PLCB4: variants seen among roughly 807,000 people sequenced by gnomAD.
PLCB4 encodes phospholipase C beta 4.
In PLCB4, 77 loss-of-function variants were observed where a neutral mutation model predicts 178.8. The observed-to-expected ratio is 0.43, with a 90% CI of 0.36 to 0.52. The LOEUF is 0.52. PLCB4 is among the 20% of genes least tolerant of loss of function. The pLI is 0.00. For missense variants in PLCB4, 1,024 were observed against 1,453.4 expected (o/e 0.70, Z 4.80); for synonymous variants, 496 against 490.8 (o/e 1.01, Z -0.14).
Position 9,473,254 on chromosome 20 carries a change from ATTTTTTTTTT to A in PLCB4, c.3409-14_3409-5del. ...GATTGTAACCCAAAGTTCAATCAGAATTTTTTTTTTTTTTTTTTTTGCAGCTTGCCATGAA... is the reference window on the plus strand; with the variant it reads ...GATTGTAACCCAAAGTTCAATCAGAATTTTTTTTTTGCAGCTTGCCATGAA... On this transcript the variant is annotated splice_polypyrimidine_tract_variant and intron_variant, in intron 37 of 39. Coordinates refer to ENST00000378473, the MANE Select transcript of PLCB4 (RefSeq NM_001377142.1). 1 of 1,196,200 alleles carries A rather than the reference ATTTTTTTTTT, an allele frequency of 8.4e-7. No homozygotes were observed. Among genetic ancestry groups the A allele is most frequent in the South Asian group, 1.8e-5 (1 of 55,706 alleles). 74.1% of individuals were successfully genotyped at this position (1,196,200 alleles called of 1,614,324 possible).
chr20:9,222,929 G>A (rs1028412360), intron 3 of PLCB4, among the ~76,000 whole-genome samples: 1 of 152,194 alleles, frequency 6.6e-6, no homozygotes, highest in Non-Finnish European at 1.5e-5. Context: ...GAGAGAGTGA[G>A]CTGATCTGTC....
intron 3 of PLCB4, among the ~76,000 whole-genome samples, chr20:9,245,737 G>GT (rs34271595): frequency 0.43 from 62,812 of 147,188 alleles, 13,892 homozygotes; most frequent in East Asian, 0.69. Flanking sequence ...TATCTGGTGG[G>GT]TTTTTTTTTT....
intron 4 of PLCB4, among the ~76,000 whole-genome samples, chr20:9,331,356 C>T (rs2031619054): frequency 6.6e-6 from 1 of 152,200 alleles, no homozygotes; most frequent in South Asian, 2.1e-4. Flanking sequence ...ATAGCTGTCC[C>T]TAGCTGGTAA....
intron 7 of PLCB4, among the ~76,000 whole-genome samples, chr20:9,347,023 T>C (rs1293514817): frequency 6.6e-6 from 1 of 152,214 alleles, no homozygotes; most frequent in Non-Finnish European, 1.5e-5. Context: ...GTCTCATCCG[T>C]GATGGCGCTC....
At chr20:9,258,714 C>CAAAA (rs969525907) in intron 3 of PLCB4, among the ~76,000 whole-genome samples, 20 of 62,760 alleles carry the variant, frequency 3.2e-4, no homozygotes, top group African/African-American at 8.1e-4. Flanking sequence ...GACTTCCTCT[C>CAAAA]AAAAAAAAAA....
chr20:9,279,432 AG>A (rs200252835), intron 3 of PLCB4, among the ~76,000 whole-genome samples: 17 of 151,900 alleles, frequency 1.1e-4, no homozygotes, highest in African/African-American at 2.9e-4. Flanking sequence ...GAAAACGTGA[AG>A]GGGGGGAAAT....
At chr20:9,266,536 T>G (rs1400798233) in intron 3 of PLCB4, among the ~76,000 whole-genome samples, 1 of 152,218 alleles carries the variant, frequency 6.6e-6, no homozygotes, top group Non-Finnish European at 1.5e-5. Flanking sequence ...GTATCTGTTA[T>G]TTTCATTGTG....
At chr20:9,094,465 A>G (rs2090819479) in intron 1 of PLCB4, among the ~76,000 whole-genome samples, 1 of 152,126 alleles carries the variant, frequency 6.6e-6, no homozygotes, top group Non-Finnish European at 1.5e-5. Flanking sequence ...TGTGATAGTT[A>G]TGATCTGTGC....
intron 2 of PLCB4, among the ~76,000 whole-genome samples, chr20:9,119,548 A>G (rs2091892811): frequency 6.6e-6 from 1 of 151,412 alleles, no homozygotes; most frequent in African/African-American, 2.4e-5. Context: ...TAGTCACTCC[A>G]TAGCAATTTT....
intron 8 of PLCB4, among the ~76,000 whole-genome samples, chr20:9,363,845 C>T (rs916206130): frequency 1.3e-5 from 2 of 152,178 alleles, no homozygotes; most frequent in Non-Finnish European, 2.9e-5. Flanking sequence ...GAGTGTGATT[C>T]ATCATACTCA....
intron 7 of PLCB4, among the ~76,000 whole-genome samples, chr20:9,341,588 G>C (rs924583967): frequency 6.6e-6 from 1 of 151,974 alleles, no homozygotes; most frequent in Non-Finnish European, 1.5e-5. Flanking sequence ...GGAAGAGGTT[G>C]GTCTTGGTGT....
intron 2 of PLCB4, among the ~76,000 whole-genome samples, chr20:9,188,649 ATTGTG>A (rs2093361203): frequency 7.3e-6 from 1 of 137,648 alleles, no homozygotes; most frequent in East Asian, 2.2e-4. Context: ...TTAACTGTTC[ATTGTG>A]GAGGGCTGTC....
intron 3 of PLCB4, among the ~76,000 whole-genome samples, chr20:9,293,166 T>A (rs1458049760): frequency 2.3e-5 from 3 of 129,608 alleles, no homozygotes; most frequent in Admixed American, 1.8e-4. Context: ...TGGAATGGAA[T>A]GGAATGGAAA....
intron 4 of PLCB4, among the ~76,000 whole-genome samples, chr20:9,320,876 C>G (rs756035446): frequency 1.3e-4 from 20 of 152,104 alleles, no homozygotes; most frequent in Non-Finnish European, 2.4e-4. Flanking sequence ...ATCAGAAACT[C>G]TGGGGGGAGG....
chr20:9,181,161 T>A (rs1329866954), intron 2 of PLCB4, among the ~76,000 whole-genome samples: 1 of 152,204 alleles, frequency 6.6e-6, no homozygotes, highest in Non-Finnish European at 1.5e-5. Flanking sequence ...CCTCATGCAC[T>A]TTGTGCCACC....
chr20:9,137,006 C>T (rs984570752), intron 2 of PLCB4, among the ~76,000 whole-genome samples: 4 of 151,970 alleles, frequency 2.6e-5, no homozygotes, highest in Non-Finnish European at 5.9e-5. Flanking sequence ...TAAGAGACTC[C>T]CGGGTCTCTT....
At chr20:9,434,859 A>T (rs556720585) in intron 28 of PLCB4, among the ~76,000 whole-genome samples, 1 of 152,294 alleles carries the variant, frequency 6.6e-6, no homozygotes, top group South Asian at 2.1e-4. Context: ...TGTATAAATT[A>T]TGGATGGTTT....
chr20:9,382,915 G>C lies in PLCB4; in HGVS notation c.854-1286G>C, dbSNP rs2037264878. ...ATGAATGAAGGTGCCCAAGGAAAGA[G>C]GTATACAAATTTCTACTTTCATTTA... On this transcript the variant is annotated intron_variant, in intron 13 of 39. Transcript: ENST00000378473. 2.0e-5 allele frequency among the ~76,000 whole-genome samples: 3 copies of C among 152,178 alleles called. No individual in the cohort carries two copies. In the South Asian group the frequency reaches 6.2e-4, roughly 32 times the overall value.
In PLCB4 at chr20:9,457,503, C is replaced by G; in HGVS notation, c.3072+14C>G. ...CACAAATCTAAGGTAAGAAAATGCC[C>G]ATTTTTACAGCAGTGACTTGCAGAA... is the stretch of plus-strand genomic sequence containing the variant. On this transcript the variant is annotated intron_variant, in intron 34 of 39. Coordinates refer to ENST00000378473, the MANE Select transcript of PLCB4 (RefSeq NM_001377142.1). 8.0e-7 allele frequency: 1 copy of G among 1,243,638 alleles called. No individual in the cohort carries two copies. The highest frequency in any genetic ancestry group is 1.9e-4 in the Middle Eastern group (1 of 5,328). 77.0% of individuals were successfully genotyped at this position (1,243,638 alleles called of 1,614,324 possible). A position where few individuals can be genotyped will look rare whatever the true frequency, so the allele number is the denominator to read the frequency against.
Sources: allele counts gnomAD v4.1 joint callset (sites outside exome capture counted in the v4.1 genomes callset), GRCh38; gene constraint gnomAD v4.1.1; transcripts MANE v1.5; gene names NCBI Gene and HGNC (gene_info 2026-07-23, HGNC 2026-07-21).